The following SYNE1 variants were observed in gnomAD, a reference collection of about 807,000 sequenced individuals.
SYNE1 encodes nesprin-1.
SYNE1 carries 616 observed loss-of-function variants against 1,111.0 expected under a neutral mutation model. The observed-to-expected ratio is 0.55, with a 90% CI of 0.52 to 0.59. SYNE1 has a LOEUF of 0.59. Among genes scored for constraint, SYNE1 ranks in the 20% least tolerant of loss-of-function variants. The pLI, the probability that SYNE1 is intolerant of heterozygous loss-of-function variation, is 0.00. For missense variants in SYNE1, 10,006 were observed against 10,417.0 expected (o/e 0.96, Z 1.72); for synonymous variants, 3,855 against 3,825.8 (o/e 1.01, Z -0.28).
At position 152,310,735 on chromosome 6, in the gene SYNE1, G is replaced by A. The variant is rs758379604; in HGVS notation, c.16849C>T (p.Arg5617Ter). The change falls in exon 88 of 146, where the codon CGA becomes TGA. Residue 5617 changes from arginine (R) to a stop codon, truncating the protein, a stop_gained. Transcript: ENST00000367255. LOFTEE classifies it high-confidence loss of function. Reference protein sequence around the residue: ...AELGRETEELRQMIKIRLQNL... With the variant: ...AELGRETEEL ...TGCAAACGAATTTTGATCATCTGTCGCAACTCCTCAGTCTCCCGTCCCAGT... is the reference window on the plus strand; with the variant it reads ...TGCAAACGAATTTTGATCATCTGTCACAACTCCTCAGTCTCCCGTCCCAGT... 6 of 1,612,960 alleles carry A rather than the reference G, an allele frequency of 3.7e-6. No homozygotes were observed. The highest frequency in any genetic ancestry group is 1.3e-5 in the African/African-American group (1 of 74,612).
chr6:152,398,884 T>C (rs2097772723), intron 48 of SYNE1, 153 bp from the exon 49 acceptor site: 1 of 606,092 alleles, frequency 1.6e-6, no homozygotes, highest in South Asian at 2.0e-5. Flanking sequence ...AATAATAATA[T>C]ATAAAGTAAT....
chr6:152,219,843 T>C (rs1405127630), intron 119 of SYNE1, among the ~76,000 whole-genome samples: 1 of 152,192 alleles, frequency 6.6e-6, no homozygotes, highest in Non-Finnish European at 1.5e-5. Context: ...TATAAGCCAA[T>C]GGAAACTCCC....
chr6:152,186,681 C>T (rs2070198553), intron 128 of SYNE1, among the ~76,000 whole-genome samples: 1 of 148,532 alleles, frequency 6.7e-6, no homozygotes, highest in Non-Finnish European at 1.5e-5. Flanking sequence ...AAGTTCATGG[C>T]ATGTTTGAAG....
chr6:152,280,647 T>C (rs557575784), intron 97 of SYNE1, among the ~76,000 whole-genome samples: 6 of 152,294 alleles, frequency 3.9e-5, no homozygotes, highest in Non-Finnish European at 5.9e-5. Context: ...AAAACAGATA[T>C]CTTCACAAGA....
At chr6:152,602,345 A>T (rs568696173) in intron 3 of SYNE1, among the ~76,000 whole-genome samples, 12 of 152,272 alleles carry the variant, frequency 7.9e-5, no homozygotes, top group Admixed American at 7.2e-4. Flanking sequence ...TGAAGAAGAG[A>T]TAGGAAGAAG....
chr6:152,603,683 T>C (rs950821728), intron 3 of SYNE1, among the ~76,000 whole-genome samples: 21 of 151,652 alleles, frequency 1.4e-4, no homozygotes, highest in South Asian at 8.3e-4. Flanking sequence ...AGAATACATA[T>C]GTATATATGT....
chr6:152,353,219 G>C (rs372218973), intron 69 of SYNE1, 44 bp downstream of exon 69: 2 of 1,611,440 alleles, frequency 1.2e-6, no homozygotes, highest in Non-Finnish European at 1.7e-6. Flanking sequence ...GGGCAGCTTG[G>C]TGAACGGAAA....
intron 63 of SYNE1, among the ~76,000 whole-genome samples, chr6:152,362,560 T>C (rs983631130): frequency 1.3e-5 from 2 of 151,972 alleles, no homozygotes; most frequent in African/African-American, 2.4e-5. Flanking sequence ...TGGAACTAGC[T>C]ATCAACTCAA....
At chr6:152,325,906 C>T in intron 80 of SYNE1, 52 bp downstream of exon 80, 2 of 1,602,562 alleles carry the variant, frequency 1.2e-6, no homozygotes, top group African/African-American at 1.3e-5. Flanking sequence ...GTTGCAAAGA[C>T]TCATTATAAT....
intron 127 of SYNE1, among the ~76,000 whole-genome samples, chr6:152,191,006 C>T (rs1345410301): frequency 1.3e-5 from 2 of 152,188 alleles, no homozygotes; most frequent in African/African-American, 2.4e-5. Flanking sequence ...TTATCAAATG[C>T]TTTTCAGCAT....
intron 91 of SYNE1, among the ~76,000 whole-genome samples, chr6:152,307,415 C>T (rs1242540545): frequency 6.6e-6 from 1 of 152,056 alleles, no homozygotes; most frequent in Non-Finnish European, 1.5e-5. Flanking sequence ...TTTCTCATGA[C>T]AAAGTTAAAA....
intron 55 of SYNE1, among the ~76,000 whole-genome samples, chr6:152,383,555 C>T (rs1487473942): frequency 6.6e-6 from 1 of 152,198 alleles, no homozygotes; most frequent in Non-Finnish European, 1.5e-5. Context: ...AGTGGCATCA[C>T]ACCCTCCTAC....
At chr6:152,581,406 C>G (rs2099518878) in intron 3 of SYNE1, among the ~76,000 whole-genome samples, 1 of 152,156 alleles carries the variant, frequency 6.6e-6, no homozygotes, top group African/African-American at 2.4e-5. Flanking sequence ...TCTGAGGGTG[C>G]AAAGAATAAT....
intron 44 of SYNE1, among the ~76,000 whole-genome samples, chr6:152,408,244 G>A (rs1243516773): frequency 1.3e-5 from 2 of 152,138 alleles, no homozygotes; most frequent in African/African-American, 2.4e-5. Flanking sequence ...TTTTTAGCTG[G>A]AAGGTAATGT....
At chr6:152,598,104 T>C (rs1583166007) in intron 3 of SYNE1, among the ~76,000 whole-genome samples, 1 of 152,090 alleles carries the variant, frequency 6.6e-6, no homozygotes, top group Non-Finnish European at 1.5e-5. Context: ...ACTGATATGG[T>C]TTGGCTGTGT....
chr6:152,479,115 T>A (rs2098859512), intron 14 of SYNE1, among the ~76,000 whole-genome samples: 1 of 152,134 alleles, frequency 6.6e-6, no homozygotes. Flanking sequence ...TGGAGGGGTC[T>A]CATTTACTGG....
At chr6:152,322,610 G>A (rs2095899974) in intron 82 of SYNE1, among the ~76,000 whole-genome samples, 1 of 152,174 alleles carries the variant, frequency 6.6e-6, no homozygotes, top group African/African-American at 2.4e-5. Flanking sequence ...TGGCCAATGA[G>A]TTCTCAAGCT....
rs199996504 is a variant in SYNE1 at position 152,325,290 on chromosome 6, C to T, written c.15451G>A (p.Val5151Met). ...ATTTTCTCATGGAAAGAGTTAACCA[C>T]TGACACTAAAGCCTAGGGTTGGGGG... Reference protein sequence around the residue: ...KLSEHKALVSVVNSFHEKIVA... With the variant: ...KLSEHKALVSMVNSFHEKIVA... Residue 5151 changes from valine (V) to methionine (M), a missense_variant, in exon 81 of 146, where the codon GTG becomes ATG. By Grantham distance (21) the Val-to-Met change is conservative. This residue lies in a region of SYNE1 where 4,955 missense variants were observed against 5,017.2 expected (regional missense o/e 0.99). Coordinates refer to ENST00000367255, the MANE Select transcript of SYNE1 (RefSeq NM_182961.4). 810 of 1,614,166 alleles carry T rather than the reference C, an allele frequency of 5.0e-4. 12 individuals carry two copies. The South Asian group carries it at 7.5e-3, about 15-fold the overall frequency.
At chr6:152,572,100 A>G (rs1405074231) in intron 3 of SYNE1, among the ~76,000 whole-genome samples, 1 of 152,182 alleles carries the variant, frequency 6.6e-6, no homozygotes, top group Non-Finnish European at 1.5e-5. Context: ...TAGAAATCAA[A>G]TATATTTTTG....
Sources: gnomAD v4.1 joint callset for allele counts (sites outside exome capture counted in the v4.1 genomes callset) on GRCh38, gnomAD v4.1.1 for gene constraint, gnomAD v4.1.1 regional missense constraint, MANE v1.5 for transcripts, NCBI Gene and HGNC (gene_info 2026-07-23, HGNC 2026-07-21) for gene names.